MME: variants seen among roughly 807,000 people sequenced by gnomAD.
MME encodes the protein membrane metalloendopeptidase, also known as neprilysin.
A neutral mutation model predicts 113.2 loss-of-function variants in MME; 98 were observed. That is an observed-to-expected ratio of 0.87 (90% CI 0.74 to 1.02). MME has a LOEUF of 1.02. Ranked by LOEUF, MME falls within the 50% of genes least tolerant of loss-of-function variation. The probability of loss-of-function intolerance (pLI) is 0.00; values close to 1 mark genes in which losing one functional copy is unlikely to be tolerated. For missense variants in MME, 836 were observed against 896.0 expected (o/e 0.93, Z 0.86); for synonymous variants, 292 against 300.6 (o/e 0.97, Z 0.30).
intron 3 of MME, among the ~76,000 whole-genome samples, chr3:155,111,798 G>T (rs1451778941): frequency 6.6e-6 from 1 of 152,070 alleles, no homozygotes; most frequent in Non-Finnish European, 1.5e-5. Flanking sequence ...AAACAGAAGT[G>T]CCCCCTCCAA....
chr3:155,166,860 C>A, intron 17 of MME, 42 bp from the exon 18 acceptor site: 4 of 1,612,850 alleles, frequency 2.5e-6, no homozygotes, highest in Middle Eastern at 1.7e-4. Flanking sequence ...ATTTTAAAAA[C>A]TTATGCCACA....
chr3:155,072,670 C>T (rs1294216373), intron 1 of MME, among the ~76,000 whole-genome samples: 1 of 152,090 alleles, frequency 6.6e-6, no homozygotes, highest in East Asian at 1.9e-4. Context: ...TATCCATTCT[C>T]CTATCAATGG....
rs145131802 is a variant in MME at position 155,083,846 on chromosome 3, C to T, written c.-10-312C>T. ...ACAGCAATTATTTGCTTATAAACTG[C>T]TGAATTAATCCTACTTGAGTATTTA... On this transcript the variant is annotated intron_variant, in intron 1 of 22. Transcript: ENST00000360490. The T allele has an allele frequency of 3.5e-3, 1,160 of 327,434 alleles. 14 individuals carry two copies. The highest frequency in any genetic ancestry group is 0.023 in the African/African-American group (1,075 of 46,468). 20.3% of individuals were successfully genotyped at this position (327,434 alleles called of 1,614,324 possible).
intron 22 of MME, among the ~76,000 whole-genome samples, chr3:155,178,710 G>T (rs1436144100): frequency 1.3e-5 from 2 of 152,224 alleles, no homozygotes; most frequent in South Asian, 2.1e-4. Context: ...TGTAGTATTT[G>T]CATATAACCT....
intron 4 of MME, among the ~76,000 whole-genome samples, chr3:155,116,082 CAA>C (rs1718574050): frequency 6.6e-6 from 1 of 151,222 alleles, no homozygotes; most frequent in Non-Finnish European, 1.5e-5. Flanking sequence ...TTCCAGCCAT[CAA>C]AAAGACTATT....
intron 3 of MME, among the ~76,000 whole-genome samples, chr3:155,109,435 T>A (rs891641947): frequency 1.3e-5 from 2 of 152,126 alleles, no homozygotes; most frequent in African/African-American, 2.4e-5. Context: ...ATGAGACACA[T>A]GTGAGGTTCC....
chr3:155,087,461 T>G (rs191364453), intron 3 of MME, among the ~76,000 whole-genome samples: 24 of 152,186 alleles, frequency 1.6e-4, no homozygotes, highest in African/African-American at 5.8e-4. Context: ...GGCTGGGGGA[T>G]CTCCGTGGTC....
rs1720910910 is a variant in MME, at chr3:155,139,736, A to T, written c.856-455A>T. On this transcript the variant is annotated intron_variant, in intron 9 of 22. Transcript: ENST00000360490. ...TCTCTGTTACTTGCGATAAATTCTTATAGAAACTCTTGCACCTTTTTTTCC... is the reference window on the plus strand; with the variant it reads ...TCTCTGTTACTTGCGATAAATTCTTTTAGAAACTCTTGCACCTTTTTTTCC... 2.6e-5 allele frequency among the ~76,000 whole-genome samples: 4 copies of T among 152,212 alleles called. No homozygotes were observed. The South Asian group carries it at 8.3e-4, about 32-fold the overall frequency.
intron 22 of MME, among the ~76,000 whole-genome samples, chr3:155,173,065 G>C (rs1712159555): frequency 6.6e-6 from 1 of 151,986 alleles, no homozygotes; most frequent in Non-Finnish European, 1.5e-5. Context: ...TCAGGAGAGA[G>C]TACATTGAAG....
At chr3:155,102,761 C>T (rs1218663160) in intron 3 of MME, among the ~76,000 whole-genome samples, 6 of 152,172 alleles carry the variant, frequency 3.9e-5, no homozygotes, top group Non-Finnish European at 7.4e-5. Context: ...TCATTTCCCT[C>T]CCCTTCACTG....
intron 7 of MME, among the ~76,000 whole-genome samples, chr3:155,117,605 T>TTTTTTTTTTTTG (rs1718733114): frequency 1.6e-5 from 1 of 61,080 alleles, no homozygotes; most frequent in African/African-American, 4.5e-5. Flanking sequence ...TTTTGTTTTT[T>TTTTTTTTTTTTG]TTTTTTTTTG....
chr3:155,080,511 T>C (rs1715035194), intron 1 of MME, 45 bp downstream of exon 1: 1 of 152,166 alleles, frequency 6.6e-6, no homozygotes, highest in Admixed American at 6.5e-5. Flanking sequence ...CATTTGTAAC[T>C]CACTTTTCTA....
At chr3:155,079,631 G>A (rs868320892), upstream of MME, 3 of 90,582 alleles carry the variant, frequency 3.3e-5, no homozygotes, top group South Asian at 4.2e-4. Context: ...GGTAGGGGGT[G>A]GGGGGGGTGG....
At chr3:155,071,899 C>T (rs1354158281) in intron 1 of MME, among the ~76,000 whole-genome samples, 1 of 152,154 alleles carries the variant, frequency 6.6e-6, no homozygotes, top group Non-Finnish European at 1.5e-5. Flanking sequence ...CGGTGGCTCA[C>T]GCCTGTAATC....
chr3:155,035,970 A>G (rs894087561), intron 1 of MME, among the ~76,000 whole-genome samples: 1 of 152,180 alleles, frequency 6.6e-6, no homozygotes, highest in Non-Finnish European at 1.5e-5. Flanking sequence ...GGGTGCTGCA[A>G]TAATCCAGGC....
chr3:155,025,118 G>T lies in MME; in HGVS notation c.-11+794G>T, dbSNP rs1344263992. Among the ~76,000 whole-genome samples the T allele has an allele frequency of 2.0e-5, 3 of 152,182 alleles. No homozygotes were observed. The East Asian group carries it at 5.8e-4, about 29-fold the overall frequency. The stretch of plus-strand genomic sequence containing the variant: ...GAGGGATGCATCTTCCTGAAAGGTG[G>T]AGCAGAGTATCTGCAACACTCAAAC... On this transcript the variant is annotated intron_variant, in intron 1 of 22. Transcript: ENST00000492661.
chr3:155,155,006 A>G (rs1205506428), intron 16 of MME, among the ~76,000 whole-genome samples: 1 of 152,226 alleles, frequency 6.6e-6, no homozygotes, highest in Non-Finnish European at 1.5e-5. Flanking sequence ...ATGTTGTAAC[A>G]GATGAAAATT....
chr3:155,137,766 T>C (rs1410854994), intron 8 of MME, among the ~76,000 whole-genome samples: 3 of 152,124 alleles, frequency 2.0e-5, no homozygotes, highest in African/African-American at 7.2e-5. Context: ...AAAATTAGTA[T>C]ATGTTATTGC....
rs537077032 is a variant in MME at position 155,040,689 on chromosome 3, T to A, written c.-11+16365T>A. Among the ~76,000 whole-genome samples, 102 of 152,230 alleles carry A rather than the reference T, an allele frequency of 6.7e-4. 3 individuals are homozygous for A. In the Middle Eastern group the frequency reaches 0.017, roughly 25 times the overall value. On this transcript the variant is annotated intron_variant, in intron 1 of 22. Coordinates refer to the MME transcript ENST00000492661. The stretch of plus-strand genomic sequence containing the variant: ...GTTGAAAGTATCCAGGATTTGTTTA[T>A]ACTATTTTCGAAAATTTTTCATAAG...
Sources: allele counts gnomAD v4.1 joint callset (sites outside exome capture counted in the v4.1 genomes callset), GRCh38; gene constraint gnomAD v4.1.1; transcripts MANE v1.5; gene names NCBI Gene and HGNC (gene_info 2026-07-23, HGNC 2026-07-21).